PDE1A: variants seen among roughly 807,000 people sequenced by gnomAD.
PDE1A encodes the protein dual specificity calcium/calmodulin-dependent 3',5'-cyclic nucleotide phosphodiesterase 1A.
Under a neutral mutation model 61.7 loss-of-function variants are expected in PDE1A, and 35 were observed. The ratio of observed to expected loss-of-function variants is 0.57; its 90% CI spans 0.43 to 0.75. The LOEUF is 0.75. Among genes scored for constraint, PDE1A ranks in the 30% least tolerant of loss-of-function variants. PDE1A has a pLI of 0.00. For missense variants in PDE1A, 597 were observed against 630.6 expected (o/e 0.95, Z 0.57); for synonymous variants, 232 against 213.2 (o/e 1.09, Z -0.77).
chr2:182,229,259 G>A (rs2623424), intron 6 of PDE1A, among the ~76,000 whole-genome samples: 198 of 152,040 alleles, frequency 1.3e-3, no homozygotes, highest in African/African-American at 4.5e-3. Flanking sequence ...GGCTGAAATG[G>A]CATTTTCTCA....
chr2:182,312,226 A>T (rs1595448), intron 1 of PDE1A, among the ~76,000 whole-genome samples: 141,412 of 152,154 alleles, frequency 0.93, 66,342 homozygotes, highest in East Asian at 0.99. Context: ...TTGCAAATAT[A>T]TTTCCCTGTC....
intron 2 of PDE1A, among the ~76,000 whole-genome samples, chr2:182,496,443 C>A: frequency 6.6e-6 from 1 of 152,146 alleles, no homozygotes; most frequent in South Asian, 2.1e-4. Context: ...CTGAAAGTGA[C>A]AAAAACTGGG....
the PDE1A span, among the ~76,000 whole-genome samples, chr2:182,665,924 G>A: frequency 6.6e-6 from 1 of 152,158 alleles, no homozygotes; most frequent in Non-Finnish European, 1.5e-5. Context: ...CAGGAACATG[G>A]ATAGAGCTGG....
chr2:182,213,987 T>A (rs1364218182), intron 7 of PDE1A, among the ~76,000 whole-genome samples: 5 of 130,976 alleles, frequency 3.8e-5, no homozygotes. Flanking sequence ...AAAGTTGAAA[T>A]GAAGAAAAAA....
At chr2:182,304,695 T>C (rs1695465369) in intron 1 of PDE1A, among the ~76,000 whole-genome samples, 1 of 152,166 alleles carries the variant, frequency 6.6e-6, no homozygotes, top group East Asian at 1.9e-4. Context: ...GACACGGGAA[T>C]GGCTGGTTGG....
At chr2:182,482,035 C>T (rs1160216911) in intron 2 of PDE1A, among the ~76,000 whole-genome samples, 1 of 151,900 alleles carries the variant, frequency 6.6e-6, no homozygotes, top group East Asian at 1.9e-4. Flanking sequence ...TCTGTCTTTT[C>T]CTTCCCTTCA....
chr2:182,643,851 T>C, the PDE1A span, among the ~76,000 whole-genome samples: 1 of 152,046 alleles, frequency 6.6e-6, no homozygotes, highest in Non-Finnish European at 1.5e-5. Flanking sequence ...GAAAATAATA[T>C]ATTGTAATTT....
intron 1 of PDE1A, among the ~76,000 whole-genome samples, chr2:182,295,560 C>G (rs889997938): frequency 6.6e-6 from 1 of 152,054 alleles, no homozygotes; most frequent in Admixed American, 6.5e-5. Context: ...TTTCCAGGCC[C>G]TGAATGGTAT....
At chr2:182,170,980 C>T (rs1692158522) in intron 13 of PDE1A, among the ~76,000 whole-genome samples, 1 of 151,906 alleles carries the variant, frequency 6.6e-6, no homozygotes. Context: ...AATGTTAATA[C>T]TTTCCCACCA....
At chr2:182,302,180 A>C (rs1170097138) in intron 1 of PDE1A, among the ~76,000 whole-genome samples, 1 of 152,194 alleles carries the variant, frequency 6.6e-6, no homozygotes, top group East Asian at 1.9e-4. Context: ...TGCCAGCCCA[A>C]CTTTCAACTG....
At chr2:182,489,198 C>T (rs911172373) in intron 2 of PDE1A, among the ~76,000 whole-genome samples, 4 of 152,130 alleles carry the variant, frequency 2.6e-5, no homozygotes, top group African/African-American at 9.7e-5. Flanking sequence ...GGCAGATTCA[C>T]AAGCCCTAGG....
chr2:182,422,239 C>T (rs1397790855), intron 1 of PDE1A, among the ~76,000 whole-genome samples: 1 of 152,176 alleles, frequency 6.6e-6, no homozygotes, highest in African/African-American at 2.4e-5. Flanking sequence ...GACCTAATCA[C>T]TTCTGAACCA....
intron 2 of PDE1A, among the ~76,000 whole-genome samples, chr2:182,261,831 T>G (rs1274288273): frequency 6.6e-6 from 1 of 152,160 alleles, no homozygotes; most frequent in Admixed American, 6.5e-5. Flanking sequence ...GCAAACCAGG[T>G]AGTTAGCATT....
intron 1 of PDE1A, among the ~76,000 whole-genome samples, chr2:182,358,415 G>A (rs968179799): frequency 6.6e-6 from 1 of 151,860 alleles, no homozygotes; most frequent in South Asian, 2.1e-4. Flanking sequence ...TTGAAGTTTT[G>A]TCTAACCCAA....
At chr2:182,258,396 A>G (rs1261673987) in intron 2 of PDE1A, among the ~76,000 whole-genome samples, 1 of 152,200 alleles carries the variant, frequency 6.6e-6, no homozygotes, top group African/African-American at 2.4e-5. Context: ...AGCTGGCTGC[A>G]AAGGAAAGTG....
At chr2:182,642,557 G>T in the PDE1A span, among the ~76,000 whole-genome samples, 2 of 152,106 alleles carry the variant, frequency 1.3e-5, no homozygotes, top group East Asian at 3.9e-4. Flanking sequence ...AGGCCTGGAG[G>T]GTGTGCTATG....
At chr2:182,608,560 C>G in the PDE1A span, among the ~76,000 whole-genome samples, 19 of 152,190 alleles carry the variant, frequency 1.2e-4, no homozygotes, top group African/African-American at 4.1e-4. Flanking sequence ...GGAGCCGCGC[C>G]GCACCTGGCA....
In PDE1A at chr2:182,386,571, G is replaced by A. The variant is rs1288937831; in HGVS notation, c.53+40007C>T. Among the ~76,000 whole-genome samples, 3 of 148,022 alleles carry A rather than the reference G, an allele frequency of 2.0e-5. No homozygotes were observed. In the East Asian group the frequency reaches 6.3e-4, roughly 31 times the overall value. On this transcript the variant is annotated intron_variant, in intron 1 of 13. Coordinates refer to ENST00000351439, the Ensembl canonical transcript of PDE1A. ...AAGTGAGGAGCCCCTCCGCCCAGCAGCCACCCCGTCTGAGAAGTGAGGAGC... is the reference window on the plus strand; with the variant it reads ...AAGTGAGGAGCCCCTCCGCCCAGCAACCACCCCGTCTGAGAAGTGAGGAGC...
At chr2:182,643,835 A>C in the PDE1A span, among the ~76,000 whole-genome samples, 2 of 152,184 alleles carry the variant, frequency 1.3e-5, no homozygotes, top group African/African-American at 4.8e-5. Context: ...ATCTAGAAAA[A>C]TATGAGAAAA....
Sources: gnomAD v4.1 joint callset for allele counts (sites outside exome capture counted in the v4.1 genomes callset) on GRCh38, gnomAD v4.1.1 for gene constraint, MANE v1.5 for transcripts, NCBI Gene and HGNC (gene_info 2026-07-23, HGNC 2026-07-21) for gene names.